The following WDR76 variants were observed in gnomAD, a reference collection of about 807,000 sequenced individuals.
The protein encoded by WDR76 is WD repeat domain 76.
Under a neutral mutation model 70.2 loss-of-function variants are expected in WDR76, and 52 were observed. The ratio of observed to expected loss-of-function variants is 0.74; its 90% CI spans 0.59 to 0.93. The LOEUF is 0.93. WDR76 is among the 40% of genes least tolerant of loss of function. The pLI, the probability that WDR76 is intolerant of heterozygous loss-of-function variation, is 0.00. For missense variants in WDR76, 756 were observed against 760.2 expected, an observed-to-expected ratio of 0.99 and a Z score of 0.07; for synonymous variants, 292 against 271.1, an observed-to-expected ratio of 1.08 and a Z score of -0.76.
chr15:43,850,267 TTTTTATTTTATTTTATTTTA>T (rs71421806), intron 8 of WDR76, among the ~76,000 whole-genome samples: 9 of 148,398 alleles, frequency 6.1e-5, no homozygotes, highest in Non-Finnish European at 1.2e-4. Context: ...TGGTGTTATT[TTTTTATTTTATTTTATTTTA>T]TTTTATTTTA....
rs1347103290 is a variant in WDR76 at position 43,856,009 on chromosome 15, AT to A, written c.1192-930del. Among the ~76,000 whole-genome samples, 5 of 152,254 alleles carry A rather than the reference AT, an allele frequency of 3.3e-5. No individual in the cohort carries two copies. In the South Asian group the frequency reaches 1.0e-3, roughly 32 times the overall value. ...TATGCTTACAAGCATATAGTTATAC[AT>A]TTTTTTCTCCTCTTCTTTATACTAA... On this transcript the variant is annotated intron_variant, in intron 9 of 12. Transcript: ENST00000263795.
At chr15:43,854,675 G>T (rs150868990) in intron 9 of WDR76, among the ~76,000 whole-genome samples, 5 of 152,002 alleles carry the variant, frequency 3.3e-5, no homozygotes, top group Non-Finnish European at 7.4e-5. Flanking sequence ...AGAGCTGGGC[G>T]CAGTGGCTCA....
chr15:43,849,405 A>G (rs1405525326), intron 8 of WDR76, among the ~76,000 whole-genome samples: 2 of 152,184 alleles, frequency 1.3e-5, no homozygotes, highest in Non-Finnish European at 2.9e-5. Context: ...GTGTACCTAT[A>G]CAGATAGAAT....
rs1171370254 is a variant in WDR76 at position 43,842,378 on chromosome 15, G to A, written c.733-37G>A. On this transcript the variant is annotated intron_variant, in intron 5 of 12. Transcript: ENST00000263795. ...CTCCTTGTGTTTATATTCTAGGGCAGGGAGCCCAACAAATAACTTTTTATT... is the reference window on the plus strand; with the variant it reads ...CTCCTTGTGTTTATATTCTAGGGCAAGGAGCCCAACAAATAACTTTTTATT... 1.9e-6 allele frequency: 3 copies of A among 1,586,006 alleles called. No homozygotes were observed. In the South Asian group the frequency reaches 3.4e-5, roughly 18 times the overall value.
intron 10 of WDR76, 106 bp downstream of exon 10, chr15:43,857,269 CTTTT>C: frequency 8.4e-7 from 1 of 1,194,982 alleles, no homozygotes; most frequent in Non-Finnish European, 1.1e-6. Flanking sequence ...AAAGGTATTA[CTTTT>C]GTAATACCCA....
chr15:43,863,584 G>C (rs1336773837), intron 12 of WDR76, among the ~76,000 whole-genome samples: 1 of 151,232 alleles, frequency 6.6e-6, no homozygotes, highest in Non-Finnish European at 1.5e-5. Context: ...AAAAGAAACA[G>C]GGTCTCGCTC....
intron 9 of WDR76, among the ~76,000 whole-genome samples, chr15:43,852,454 C>G (rs1471459505): frequency 1.3e-5 from 2 of 151,788 alleles, no homozygotes; most frequent in African/African-American, 4.8e-5. Flanking sequence ...TCACTGCAAG[C>G]TCCGCCTCCC....
chr15:43,837,550 A>T (rs2087672029), intron 4 of WDR76, among the ~76,000 whole-genome samples: 1 of 152,126 alleles, frequency 6.6e-6, no homozygotes, highest in Admixed American at 6.6e-5. Context: ...AGCCTTTGAG[A>T]TTTAGCAAAT....
At chr15:43,842,099 C>G (rs1370829059) in intron 5 of WDR76, among the ~76,000 whole-genome samples, 1 of 152,168 alleles carries the variant, frequency 6.6e-6, no homozygotes, top group Non-Finnish European at 1.5e-5. Flanking sequence ...AACTCCTGAC[C>G]TTGTGATCCG....
At chr15:43,843,595 C>T (rs555177834) in intron 7 of WDR76, among the ~76,000 whole-genome samples, 85 of 151,990 alleles carry the variant, frequency 5.6e-4, no homozygotes, top group African/African-American at 2.0e-3. Context: ...TACACATTGC[C>T]GAATTGTTGC....
chr15:43,833,997 A>G (rs149303398), intron 2 of WDR76, among the ~76,000 whole-genome samples: 2 of 152,318 alleles, frequency 1.3e-5, no homozygotes, highest in Admixed American at 6.5e-5. Flanking sequence ...TTCTCGAACA[A>G]TGAATTGGAT....
rs1388938097 is a variant in WDR76, at chr15:43,867,843, A to G, written c.*1451A>G. On this transcript the variant is annotated 3_prime_UTR_variant, in exon 13 of 13. Transcript: ENST00000263795. Reference sequence around the variant, plus strand: ...TGGGAGGGGAGCTGCCAAATCAGTTACTAATATTACTGTGTGACATCTATC... The same window carrying G: ...TGGGAGGGGAGCTGCCAAATCAGTTGCTAATATTACTGTGTGACATCTATC... 5 of 152,202 alleles carry G rather than the reference A, an allele frequency of 3.3e-5. No homozygotes were observed. The highest frequency in any genetic ancestry group is 5.9e-5 in the Non-Finnish European group (4 of 68,022). The allele number at this position is 152,202 out of a possible 1,614,324, so 9.4% of individuals were successfully genotyped here. A position where few individuals can be genotyped will look rare whatever the true frequency, so the allele number is the denominator to read the frequency against.
At chr15:43,851,562 T>G (rs2087860102) in intron 9 of WDR76, among the ~76,000 whole-genome samples, 1 of 152,208 alleles carries the variant, frequency 6.6e-6, no homozygotes. Context: ...AGTATGTGTT[T>G]GCGCTTGTTA....
At chr15:43,854,646 A>T (rs2087906669) in intron 9 of WDR76, among the ~76,000 whole-genome samples, 1 of 151,998 alleles carries the variant, frequency 6.6e-6, no homozygotes, top group Non-Finnish European at 1.5e-5. Context: ...CACATGTGTA[A>T]CTATCGTAAT....
At position 43,851,130 on chromosome 15, in the gene WDR76, A is replaced by T; in HGVS notation, c.1076A>T (p.His359Leu). The T allele has an allele frequency of 6.2e-7, 1 of 1,614,138 alleles. No individual in the cohort carries two copies. Among genetic ancestry groups the T allele is most frequent in the Non-Finnish European group, 8.5e-7 (1 of 1,180,012 alleles). ...KEDGVYVFHP[H>L]SQPVSCLYFS... ...GATGGAGTTTATGTTTTTCATCCCC[A>T]TAGTCAGCCAGTTAGCTGTCTTTAC... The change falls in exon 9 of 13, where the codon CAT becomes CTT. Residue 359 changes from histidine to leucine, a missense_variant. His to Leu is a moderately conservative substitution (Grantham distance 99, BLOSUM62 -3). Transcript: ENST00000263795.
chr15:43,831,275 G>A (rs1375906209), intron 2 of WDR76, among the ~76,000 whole-genome samples: 1 of 151,910 alleles, frequency 6.6e-6, no homozygotes, highest in Non-Finnish European at 1.5e-5. Context: ...GGGACTACAG[G>A]CATGTGCCAC....
chr15:43,838,883 G>C (rs78171950), intron 4 of WDR76, among the ~76,000 whole-genome samples: 1,731 of 152,148 alleles, frequency 0.011, 29 homozygotes, highest in African/African-American at 0.04. Flanking sequence ...CTTTTTTGAG[G>C]ATTAAATATG....
intron 10 of WDR76, 73 bp from the exon 11 acceptor site, chr15:43,858,593 CTAACT>C: frequency 6.5e-7 from 1 of 1,539,308 alleles, no homozygotes; most frequent in Non-Finnish European, 8.8e-7. Context: ...ATGTGAGTGT[CTAACT>C]TATGTTTAGC....
At chr15:43,861,302 A>C (rs1476083689) in intron 11 of WDR76, 31 bp from the exon 12 acceptor site, 2 of 1,589,258 alleles carry the variant, frequency 1.3e-6, no homozygotes, top group East Asian at 4.5e-5. Context: ...TTTAAGTAAC[A>C]AAAGAATGTC....
Sources: gnomAD v4.1 joint callset for allele counts (sites outside exome capture counted in the v4.1 genomes callset) on GRCh38, gnomAD v4.1.1 for gene constraint, MANE v1.5 for transcripts, NCBI Gene and HGNC (gene_info 2026-07-23, HGNC 2026-07-21) for gene names.